DCLK1: variants seen among roughly 807,000 people sequenced by gnomAD.
DCLK1 encodes the protein serine/threonine-protein kinase DCLK1.
Under a neutral mutation model 86.2 loss-of-function variants are expected in DCLK1, and 16 were observed. The ratio of observed to expected loss-of-function variants is 0.19; its 90% CI spans 0.13 to 0.28. The LOEUF is 0.28. Among genes scored for constraint, DCLK1 ranks in the 10% least tolerant of loss-of-function variants. DCLK1 has a pLI of 1.00. For synonymous variants in DCLK1, 369 were observed against 370.5 expected (o/e 1.00, Z 0.05); for missense variants, 590 against 940.2 (o/e 0.63, Z 4.87).
At chr13:35,833,367 G>A (rs1444514875) in intron 8 of DCLK1, among the ~76,000 whole-genome samples, 2 of 152,110 alleles carry the variant, frequency 1.3e-5, no homozygotes, top group Admixed American at 6.5e-5. Context: ...TGCTCTGACC[G>A]CTCATTAGAG....
rs1874786622 is a variant in DCLK1, at chr13:35,908,080, G to A, written c.824-36740C>T. ...GTTTAGGATCTTAAAATAGGACTGT[G>A]CTGACATAATACAACTCAAGAAGGA... is the stretch of plus-strand genomic sequence containing the variant. On this transcript the variant is annotated intron_variant, in intron 4 of 16. Coordinates refer to ENST00000360631, the MANE Select transcript of DCLK1 (RefSeq NM_001330071.2). Among the ~76,000 whole-genome samples, 3 of 152,034 alleles carry A rather than the reference G, an allele frequency of 2.0e-5. No homozygotes were observed. In the South Asian group the frequency reaches 6.2e-4, roughly 32 times the overall value.
intron 3 of DCLK1, among the ~76,000 whole-genome samples, chr13:35,971,394 A>G (rs1162368988): frequency 4.6e-5 from 7 of 152,182 alleles, no homozygotes; most frequent in Admixed American, 4.6e-4. Context: ...ACCGAAGCTA[A>G]GACTTAGAGC....
intron 16 of DCLK1, among the ~76,000 whole-genome samples, chr13:35,777,213 T>C (rs1003330012): frequency 6.6e-6 from 1 of 152,232 alleles, no homozygotes; most frequent in Non-Finnish European, 1.5e-5. Context: ...CTTGGAAATA[T>C]ATCACGGTCA....
At chr13:35,895,963 C>T (rs1873948107) in intron 4 of DCLK1, among the ~76,000 whole-genome samples, 1 of 151,612 alleles carries the variant, frequency 6.6e-6, no homozygotes, top group Non-Finnish European at 1.5e-5. Context: ...TTCACATAAA[C>T]CTAAAACTCT....
At chr13:36,050,964 T>C (rs1244938024) in intron 3 of DCLK1, among the ~76,000 whole-genome samples, 1 of 152,070 alleles carries the variant, frequency 6.6e-6, no homozygotes, top group Non-Finnish European at 1.5e-5. Context: ...GTAAGCCCAG[T>C]GACATGTCAA....
intron 5 of DCLK1, among the ~76,000 whole-genome samples, chr13:35,869,645 C>T (rs996604464): frequency 6.6e-6 from 1 of 152,178 alleles, no homozygotes; most frequent in Non-Finnish European, 1.5e-5. Flanking sequence ...TTTCCAAAAC[C>T]CCCTGCTTCT....
In DCLK1 at chr13:36,100,179, C is replaced by CAAAAAAAAA. The variant is rs58824322; in HGVS notation, c.723+11681_723+11689dup. Among the ~76,000 whole-genome samples, 35 of 37,698 alleles carry CAAAAAAAAA rather than the reference C, an allele frequency of 9.3e-4. 2 individuals carry two copies. The highest frequency in any genetic ancestry group is 1.5e-3 in the Non-Finnish European group (34 of 23,300). The allele number at this position is 37,698 out of a possible 152,430, so 24.7% of individuals were successfully genotyped here. On this transcript the variant is annotated intron_variant, in intron 3 of 16. Transcript: ENST00000360631. ...ACAACAGGGCAAAACCCTGTCTCTA[C>CAAAAAAAAA]AAAAAAAAAAAAAAAAAAAAAAAAA... is the stretch of plus-strand genomic sequence containing the variant.
At chr13:36,022,378 C>G (rs1050554260) in intron 3 of DCLK1, among the ~76,000 whole-genome samples, 2 of 151,710 alleles carry the variant, frequency 1.3e-5, no homozygotes, top group African/African-American at 4.8e-5. Context: ...CCAACTAAAC[C>G]TAAAGTGAGT....
intron 3 of DCLK1, among the ~76,000 whole-genome samples, chr13:35,995,891 C>A (rs1300716717): frequency 7.2e-5 from 11 of 152,090 alleles, no homozygotes; most frequent in Non-Finnish European, 1.0e-4. Context: ...CTATATTAGG[C>A]TTTACTTAAG....
intron 6 of DCLK1, chr13:35,848,515 G>C (rs925814895): frequency 5.1e-6 from 5 of 985,074 alleles, no homozygotes; most frequent in Non-Finnish European, 6.0e-6. Flanking sequence ...ACTTCCCTTG[G>C]AACTGCTTGA....
intron 4 of DCLK1, among the ~76,000 whole-genome samples, chr13:35,933,660 T>A (rs910176238): frequency 1.3e-5 from 2 of 152,074 alleles, no homozygotes; most frequent in African/African-American, 4.8e-5. Flanking sequence ...ATGGCTAGAG[T>A]GGCTGGGACA....
chr13:35,995,115 T>A (rs1214858375), intron 3 of DCLK1, among the ~76,000 whole-genome samples: 1 of 152,230 alleles, frequency 6.6e-6, no homozygotes, highest in African/African-American at 2.4e-5. Flanking sequence ...AGCTTTGTAG[T>A]GGTGGAGTTT....
At chr13:35,777,848 G>C (rs939169107) in intron 16 of DCLK1, among the ~76,000 whole-genome samples, 2 of 152,200 alleles carry the variant, frequency 1.3e-5, no homozygotes, top group African/African-American at 4.8e-5. Flanking sequence ...TCTGCTTAGA[G>C]AAAGTATTTT....
At chr13:35,970,841 G>A (rs1482781390) in intron 3 of DCLK1, among the ~76,000 whole-genome samples, 2 of 152,156 alleles carry the variant, frequency 1.3e-5, no homozygotes, top group East Asian at 3.8e-4. Flanking sequence ...GAGAATTGGT[G>A]AGGTCAAAAG....
intron 2 of DCLK1, among the ~76,000 whole-genome samples, chr13:36,116,568 G>T (rs1022258967): frequency 6.6e-6 from 1 of 152,048 alleles, no homozygotes; most frequent in Non-Finnish European, 1.5e-5. Context: ...GTAAATTCCA[G>T]TTCTGATACT....
At chr13:35,972,746 C>T (rs1322387744) in intron 3 of DCLK1, among the ~76,000 whole-genome samples, 1 of 152,024 alleles carries the variant, frequency 6.6e-6, no homozygotes, top group East Asian at 1.9e-4. Context: ...ACCTTTGAAC[C>T]TAATTTGATG....
At chr13:35,895,873 C>G (rs1444958234) in intron 4 of DCLK1, among the ~76,000 whole-genome samples, 1 of 151,852 alleles carries the variant, frequency 6.6e-6, no homozygotes, top group East Asian at 1.9e-4. Context: ...AAAACTATTA[C>G]ATCTACTACC....
chr13:36,071,425 A>G (rs1883971572), intron 3 of DCLK1, among the ~76,000 whole-genome samples: 1 of 152,172 alleles, frequency 6.6e-6, no homozygotes, highest in African/African-American at 2.4e-5. Context: ...ATATGAGGAA[A>G]CAAATTCAGC....
intron 16 of DCLK1, among the ~76,000 whole-genome samples, chr13:35,781,932 T>G (rs1253591493): frequency 1.3e-5 from 2 of 152,216 alleles, no homozygotes; most frequent in East Asian, 3.8e-4. Flanking sequence ...GGGCTTACTC[T>G]CAGGCTTATT....
Sources: allele counts gnomAD v4.1 joint callset (sites outside exome capture counted in the v4.1 genomes callset), GRCh38; gene constraint gnomAD v4.1.1; transcripts MANE v1.5; gene names NCBI Gene and HGNC (gene_info 2026-07-23, HGNC 2026-07-21).